KMT5B: variants seen among roughly 807,000 people sequenced by gnomAD.
The protein encoded by KMT5B is histone-lysine N-methyltransferase KMT5B.
A neutral mutation model predicts 83.2 loss-of-function variants in KMT5B; 10 were observed. The observed-to-expected ratio is 0.12, with a 90% CI of 0.07 to 0.20. KMT5B has a LOEUF of 0.20. Among genes scored for constraint, KMT5B ranks in the 10% least tolerant of loss-of-function variants. The pLI, the probability that KMT5B is intolerant of heterozygous loss-of-function variation, is 1.00. For missense variants in KMT5B, 753 were observed against 1,067.2 expected (o/e 0.71, Z 4.10); for synonymous variants, 349 against 388.8 (o/e 0.90, Z 1.20).
intron 1 of KMT5B, among the ~76,000 whole-genome samples, chr11:68,205,575 G>C (rs1048420731): frequency 6.6e-6 from 1 of 151,358 alleles, no homozygotes; most frequent in Non-Finnish European, 1.5e-5. Flanking sequence ...ACATTTTAAG[G>C]AGCAAACTAT....
At chr11:68,185,721 T>C in intron 3 of KMT5B, 60 bp downstream of exon 3, 1 of 1,472,682 alleles carries the variant, frequency 6.8e-7, no homozygotes, top group Non-Finnish European at 9.2e-7. Context: ...AAATTAGCCA[T>C]CTATGTTCTT....
At chr11:68,175,240 C>A in intron 4 of KMT5B, 57 bp from the exon 5 acceptor site, 2 of 1,403,418 alleles carry the variant, frequency 1.4e-6, no homozygotes, top group Non-Finnish European at 2.0e-6. Flanking sequence ...CGCCACTGAT[C>A]CATCTTAACA....
Position 68,157,513 on chromosome 11 carries a change from T to G in KMT5B, c.*175A>C, listed in dbSNP as rs768539645. 2.2e-6 allele frequency: 2 copies of G among 924,352 alleles called. No homozygotes were observed. The highest frequency in any genetic ancestry group is 2.9e-6 in the Non-Finnish European group (2 of 695,076). The allele number at this position is 924,352 out of a possible 1,614,324, so 57.3% of individuals were successfully genotyped here. ...GCTATTTAAAAAGTACGATAAAAAT[T>G]TGCACAAATCAGACTTAAGAATTGA... On this transcript the variant is annotated 3_prime_UTR_variant, in exon 11 of 11. Transcript: ENST00000304363.
intron 1 of KMT5B, among the ~76,000 whole-genome samples, chr11:68,198,407 A>C (rs1371946157): frequency 6.6e-6 from 1 of 151,794 alleles, no homozygotes; most frequent in Non-Finnish European, 1.5e-5. Context: ...AGAAAAGAAG[A>C]GGAAAGAAGA....
intron 4 of KMT5B, among the ~76,000 whole-genome samples, chr11:68,177,049 C>G (rs1856456841): frequency 1.3e-5 from 2 of 152,098 alleles, no homozygotes; most frequent in African/African-American, 4.8e-5. Context: ...AGTAAGATTT[C>G]AAGCCACAGT....
chr11:68,207,807 C>A (rs867263306), intron 1 of KMT5B, among the ~76,000 whole-genome samples: 60 of 139,402 alleles, frequency 4.3e-4, no homozygotes, highest in East Asian at 9.0e-4. Flanking sequence ...AAAAAAAAAA[C>A]AAACCAAAAA....
Position 68,157,644 on chromosome 11 carries a change from A to G in KMT5B, c.*44T>C. 1 of 1,493,126 alleles carries G rather than the reference A, an allele frequency of 6.7e-7. No homozygotes were observed. Among genetic ancestry groups the G allele is most frequent in the Non-Finnish European group, 8.9e-7 (1 of 1,125,184 alleles). The allele number at this position is 1,493,126 out of a possible 1,614,324, so 92.5% of individuals were successfully genotyped here. A position where few individuals can be genotyped will look rare whatever the true frequency, so the allele number is the denominator to read the frequency against. On this transcript the variant is annotated 3_prime_UTR_variant, in exon 11 of 11. Transcript: ENST00000304363. ...GAGGAATAATTGACTGGAATTTTTT[A>G]TTTCTTTAAAGTAGTTATCCCAGGT...
chr11:68,183,097 C>A (rs1308203722), intron 3 of KMT5B, among the ~76,000 whole-genome samples: 1 of 151,708 alleles, frequency 6.6e-6, no homozygotes, highest in East Asian at 1.9e-4. Context: ...AAGGCATAAT[C>A]AATATAACTT....
intron 2 of KMT5B, 44 bp from the exon 3 acceptor site, chr11:68,185,972 A>G: frequency 6.5e-7 from 1 of 1,534,900 alleles, no homozygotes; most frequent in Non-Finnish European, 8.8e-7. Context: ...ATTGAAAACT[A>G]CTTAAATCTG....
intron 4 of KMT5B, chr11:68,176,515 G>T (rs1390148041): frequency 6.6e-6 from 1 of 152,102 alleles, no homozygotes; most frequent in Non-Finnish European, 1.5e-5. Context: ...GCCCGGTATG[G>T]TGGCTCTCAC....
At chr11:68,189,283 AG>A (rs1857782925) in intron 2 of KMT5B, among the ~76,000 whole-genome samples, 1 of 152,236 alleles carries the variant, frequency 6.6e-6, no homozygotes, top group African/African-American at 2.4e-5. Context: ...CTACTTTTAG[AG>A]GAACTATGAA....
At chr11:68,206,607 C>T (rs913055448) in intron 1 of KMT5B, among the ~76,000 whole-genome samples, 1 of 152,106 alleles carries the variant, frequency 6.6e-6, no homozygotes, top group African/African-American at 2.4e-5. Context: ...TTCACCGATG[C>T]CCCACCAGTA....
intron 5 of KMT5B, among the ~76,000 whole-genome samples, 192 bp downstream of exon 5, chr11:68,174,826 G>A (rs567422964): frequency 2.0e-5 from 3 of 152,122 alleles, no homozygotes; most frequent in African/African-American, 4.8e-5. Context: ...TTACAAGCAT[G>A]AGCCACTGAG....
intron 3 of KMT5B, among the ~76,000 whole-genome samples, chr11:68,182,167 G>A (rs1464562888): frequency 1.3e-5 from 2 of 152,336 alleles, no homozygotes; most frequent in East Asian, 3.9e-4. Flanking sequence ...AAATATTTGT[G>A]TGGTAATCCT....
At chr11:68,207,237 A>C (rs1178250685) in intron 1 of KMT5B, among the ~76,000 whole-genome samples, 1 of 151,976 alleles carries the variant, frequency 6.6e-6, no homozygotes. Flanking sequence ...AAATCATGCC[A>C]AGCTACATCT....
At chr11:68,208,622 G>A (rs1338059296) in intron 1 of KMT5B, among the ~76,000 whole-genome samples, 3 of 152,172 alleles carry the variant, frequency 2.0e-5, no homozygotes, top group African/African-American at 7.2e-5. Flanking sequence ...CAAACAGGAT[G>A]TTAGGAGAGA....
chr11:68,174,396 G>A (rs1166250011), intron 5 of KMT5B, among the ~76,000 whole-genome samples: 2 of 152,076 alleles, frequency 1.3e-5, no homozygotes, highest in East Asian at 1.9e-4. Flanking sequence ...GTGTCAGGTC[G>A]GTGTTCAAAA....
chr11:68,174,928 A>G (rs1856211676), intron 5 of KMT5B, 90 bp downstream of exon 5: 1 of 1,175,154 alleles, frequency 8.5e-7, no homozygotes, highest in African/African-American at 1.6e-5. Flanking sequence ...AATAAATTTA[A>G]AATTTCAGTA....
chr11:68,173,960 T>C (rs376373264), intron 5 of KMT5B, 47 bp from the exon 6 acceptor site: 91 of 1,260,088 alleles, frequency 7.2e-5, no homozygotes, highest in Non-Finnish European at 9.5e-5. Flanking sequence ...TGGTATACCC[T>C]GCTAGACTTT....
Sources: allele counts gnomAD v4.1 joint callset (sites outside exome capture counted in the v4.1 genomes callset), GRCh38; gene constraint gnomAD v4.1.1; transcripts MANE v1.5; gene names NCBI Gene and HGNC (gene_info 2026-07-23, HGNC 2026-07-21).